SANBR: variants seen among roughly 807,000 people sequenced by gnomAD.
SANBR encodes SANT and BTB domain regulator of CSR.
Under a neutral mutation model 101.8 loss-of-function variants are expected in SANBR, and 77 were observed. The ratio of observed to expected loss-of-function variants is 0.76; its 90% CI spans 0.63 to 0.91. The LOEUF is 0.91. SANBR is among the 40% of genes least tolerant of loss of function. The pLI, the probability that SANBR is intolerant of heterozygous loss-of-function variation, is 0.00. For synonymous variants in SANBR, 279 were observed against 274.7 expected, an observed-to-expected ratio of 1.02 and a Z score of -0.15; for missense variants, 875 against 853.0, an observed-to-expected ratio of 1.03 and a Z score of -0.32.
At position 61,077,332 on chromosome 2, in the gene SANBR, T is replaced by G. The variant is rs142200068; in HGVS notation, c.670+174T>G. On this transcript the variant is annotated intron_variant, in intron 6 of 21. Coordinates refer to ENST00000402291, the MANE Select transcript of SANBR (RefSeq NM_001129993.3). Reference sequence around the variant, plus strand: ...TCTTTTTTAGTAAATTATAGTAAATTTATGGCAAATGAACAGATCTCTAGA... The same window carrying G: ...TCTTTTTTAGTAAATTATAGTAAATGTATGGCAAATGAACAGATCTCTAGA... Among the ~76,000 whole-genome samples, 6 of 152,292 alleles carry G rather than the reference T, an allele frequency of 3.9e-5. No homozygotes were observed. The East Asian group carries it at 1.2e-3, about 29-fold the overall frequency.
intron 14 of SANBR, 81 bp from the exon 15 acceptor site, chr2:61,108,236 C>T: frequency 1.2e-6 from 1 of 837,822 alleles, no homozygotes; most frequent in Non-Finnish European, 1.9e-6. Flanking sequence ...TTTTTCAACT[C>T]TTCTACAGTA....
intron 21 of SANBR, chr2:61,134,306 A>G (rs1305319793): frequency 3.3e-6 from 5 of 1,529,546 alleles, no homozygotes; most frequent in South Asian, 2.4e-5. Flanking sequence ...AGCTATTATT[A>G]GTAGACCACA....
chr2:61,135,523 G>A (rs1465151519), intron 21 of SANBR, among the ~76,000 whole-genome samples: 2 of 152,160 alleles, frequency 1.3e-5, no homozygotes, highest in African/African-American at 4.8e-5. Context: ...ACTCTGTTGT[G>A]CAGACAGGTT....
chr2:61,114,151 G>A (rs1018445271), intron 16 of SANBR, among the ~76,000 whole-genome samples: 2 of 152,260 alleles, frequency 1.3e-5, no homozygotes, highest in South Asian at 4.2e-4. Flanking sequence ...AACGACAGAT[G>A]AATAACTTAC....
chr2:61,089,123 C>G (rs938222921), intron 10 of SANBR: 3 of 983,026 alleles, frequency 3.1e-6, no homozygotes, highest in Non-Finnish European at 3.6e-6. Context: ...TACAAGAGAA[C>G]CAAATTTACT....
chr2:61,068,028 C>A (rs1039516208), intron 1 of SANBR, among the ~76,000 whole-genome samples: 1 of 152,134 alleles, frequency 6.6e-6, no homozygotes, highest in African/African-American at 2.4e-5. Context: ...GTTTTGTGAC[C>A]TTCTCGTTAA....
rs1256024809 is a variant in SANBR at position 61,081,489 on chromosome 2, G to C, written c.708G>C (p.Glu236Asp). The C allele has an allele frequency of 3.2e-6, 5 of 1,564,376 alleles. 1 individual carries two copies. Residue 236 changes from glutamate (E) to aspartate (D), a missense_variant, in exon 7 of 22, where the codon GAG becomes GAC. Transcript: ENST00000402291. ...TCATTTCAATTCTTATTTCTTCGGA[G>C]TTTTTAAAAATGGATTCACTAGTAA... ...GNVISILISS[E>D]FLKMDSLVEQ... is the part of the protein sequence containing the mutation.
chr2:61,096,139 A>C lies in SANBR; in HGVS notation c.1213-1561A>C, dbSNP rs966950633. 7.9e-5 allele frequency among the ~76,000 whole-genome samples: 12 copies of C among 152,076 alleles called. 1 individual carries two copies. The South Asian group carries it at 2.5e-3, about 32-fold the overall frequency. On this transcript the variant is annotated intron_variant, in intron 11 of 21. Transcript: ENST00000402291. ...AATGGCTCCCGCAACCATGACACAA[A>C]AACCCAACACCCACTTCCTTCCTTT...
At position 61,088,221 on chromosome 2, in the gene SANBR, G is replaced by A. The variant is rs112927139; in HGVS notation, c.953G>A (p.Arg318Gln). Reference sequence around the variant, plus strand: ...CCTGAGTACTTGAATCCAGATTCTCGGAGTAATGCAGCAACATTGTATAGG... The same window carrying A: ...CCTGAGTACTTGAATCCAGATTCTCAGAGTAATGCAGCAACATTGTATAGG... ...FDPEYLNPDS[R>Q]SNAATLYRCC... The change falls in exon 9 of 22, where the codon CGG becomes CAG. Residue 318 changes from arginine (R) to glutamine (Q), a missense_variant. Transcript: ENST00000402291. 1.1e-3 allele frequency: 1,841 copies of A among 1,609,640 alleles called. 15 individuals carry two copies. In the African/African-American group the frequency reaches 0.017, roughly 15 times the overall value.
intron 8 of SANBR, 73 bp downstream of exon 8, chr2:61,083,387 A>G: frequency 2.0e-6 from 2 of 985,138 alleles, no homozygotes; most frequent in Admixed American, 2.6e-5. Context: ...ATGTGAGTGA[A>G]ATATTCTTTC....
At chr2:61,082,877 A>G (rs1005658163) in intron 7 of SANBR, among the ~76,000 whole-genome samples, 1 of 151,852 alleles carries the variant, frequency 6.6e-6, no homozygotes, top group African/African-American at 2.4e-5. Flanking sequence ...TAAGATTTAT[A>G]CCTGCCACAA....
intron 13 of SANBR, 85 bp downstream of exon 13, chr2:61,104,083 G>A (rs533870714): frequency 1.8e-5 from 22 of 1,212,498 alleles, no homozygotes; most frequent in South Asian, 9.8e-5. Flanking sequence ...AATCAGCAAC[G>A]TCAGTCCTCA....
intron 16 of SANBR, 41 bp from the exon 17 acceptor site, chr2:61,115,938 A>G: frequency 1.6e-6 from 2 of 1,269,892 alleles, no homozygotes; most frequent in Non-Finnish European, 1.1e-6. Flanking sequence ...CTGGAAAAGT[A>G]TATGGGGCCT....
chr2:61,108,248 C>T lies in SANBR; in HGVS notation c.1612-69C>T, dbSNP rs369469353. The T allele has an allele frequency of 4.3e-6, 4 of 933,162 alleles. No homozygotes were observed. In the East Asian group the frequency reaches 1.0e-4, roughly 24 times the overall value. 57.8% of individuals were successfully genotyped at this position (933,162 alleles called of 1,614,324 possible). A position where few individuals can be genotyped will look rare whatever the true frequency, so the allele number is the denominator to read the frequency against. ...ACTTTTTTCAACTCTTCTACAGTATCTATATCAAAATAAGGAGCTGCAATC... is the reference window on the plus strand; with the variant it reads ...ACTTTTTTCAACTCTTCTACAGTATTTATATCAAAATAAGGAGCTGCAATC... On this transcript the variant is annotated intron_variant, in intron 14 of 21. Transcript: ENST00000402291.
chr2:61,083,302 ATAAATT>A lies in SANBR; in HGVS notation c.883_888del (p.Phe295_Lys296del), dbSNP rs781309635. Reference sequence around the variant, plus strand: ...GTTGATGATTTAAAGGACAAAAAAGATAAATTTAAAAGGTAATTTCAAAAGTTTAAT... The same window carrying A: ...GTTGATGATTTAAAGGACAAAAAAGATAAAAGGTAATTTCAAAAGTTTAAT... On this transcript the variant is annotated inframe_deletion, in exon 8 of 22. Transcript: ENST00000402291. 2.3e-5 allele frequency: 37 copies of A among 1,592,270 alleles called. No homozygotes were observed. Among genetic ancestry groups the A allele is most frequent in the Non-Finnish European group, 3.0e-5 (35 of 1,164,742 alleles).
At chr2:61,121,902 T>A (rs907977767) in intron 21 of SANBR, among the ~76,000 whole-genome samples, 3 of 152,168 alleles carry the variant, frequency 2.0e-5, no homozygotes, top group African/African-American at 7.2e-5. Flanking sequence ...GGGGCACTGC[T>A]CCAGATCCAT....
Position 61,071,788 on chromosome 2 carries a change from A to T in SANBR, c.333A>T (p.Lys111Asn), listed in dbSNP as rs1681487770. Residue 111 changes from lysine (K) to asparagine (N), a missense_variant, in exon 4 of 22, where the codon AAA (lysine) becomes AAT (asparagine). By Grantham distance (94) the Lys-to-Asn change is moderately conservative. Coordinates refer to ENST00000402291, the MANE Select transcript of SANBR (RefSeq NM_001129993.3). ...ETPVGHDAVSKTGRHSIASTR... is the reference protein window; with the variant it reads ...ETPVGHDAVSNTGRHSIASTR... ...CAGTTGGACATGATGCAGTTTCCAA[A>T]ACTGGTAAGGTTTTAAACTAAAATG... is the stretch of plus-strand genomic sequence containing the variant. The T allele has an allele frequency of 6.3e-7, 1 of 1,592,180 alleles. No homozygotes were observed. Among genetic ancestry groups the T allele is most frequent in the Non-Finnish European group, 8.5e-7 (1 of 1,170,946 alleles).
At chr2:61,077,303 C>A (rs1681842938) in intron 6 of SANBR, 145 bp downstream of exon 6, 2 of 659,944 alleles carry the variant, frequency 3.0e-6, no homozygotes, top group African/African-American at 1.8e-5. Flanking sequence ...AACTGATAAC[C>A]TCATCTTTTT....
At chr2:61,126,330 C>A (rs535671958), downstream of SANBR, among the ~76,000 whole-genome samples, 1 of 152,196 alleles carries the variant, frequency 6.6e-6, no homozygotes, top group Admixed American at 6.5e-5. Flanking sequence ...TATCACCACC[C>A]CCAGTTATTA....
Sources: allele counts gnomAD v4.1 joint callset (sites outside exome capture counted in the v4.1 genomes callset), GRCh38; gene constraint gnomAD v4.1.1; transcripts MANE v1.5; gene names NCBI Gene and HGNC (gene_info 2026-07-23, HGNC 2026-07-21).